COL22A1: variants seen among roughly 807,000 people sequenced by gnomAD.
COL22A1 encodes the protein collagen type XXII alpha 1 chain.
A neutral mutation model predicts 248.9 loss-of-function variants in COL22A1; 221 were observed. The ratio of observed to expected loss-of-function variants is 0.89; its 90% CI spans 0.80 to 0.99. COL22A1 has a LOEUF of 0.99. Among genes scored for constraint, COL22A1 ranks in the 50% least tolerant of loss-of-function variants. COL22A1 has a pLI of 0.00. For synonymous variants in COL22A1, 891 were observed against 793.4 expected, an observed-to-expected ratio of 1.12 and a Z score of -2.07; for missense variants, 2,240 against 2,179.0, an observed-to-expected ratio of 1.03 and a Z score of -0.56.
intron 18 of COL22A1, among the ~76,000 whole-genome samples, chr8:138,756,697 G>C (rs769959316): frequency 6.6e-6 from 1 of 152,086 alleles, no homozygotes; most frequent in Non-Finnish European, 1.5e-5. Flanking sequence ...AGGTCTTAAG[G>C]CTAAGGGGGA....
chr8:138,864,154 A>C (rs1392333922), intron 3 of COL22A1, among the ~76,000 whole-genome samples: 1 of 152,210 alleles, frequency 6.6e-6, no homozygotes, highest in African/African-American at 2.4e-5. Flanking sequence ...ACCGCACTTC[A>C]GGATCTGGAC....
chr8:138,802,836 AG>A, intron 11 of COL22A1, 35 bp downstream of exon 11: 1 of 1,569,270 alleles, frequency 6.4e-7, no homozygotes, highest in South Asian at 1.1e-5. Flanking sequence ...GCCCGCCCTG[AG>A]GTTCAGCCAT....
chr8:138,682,885 G>A (rs1826065366), intron 39 of COL22A1, among the ~76,000 whole-genome samples: 1 of 152,072 alleles, frequency 6.6e-6, no homozygotes, highest in Admixed American at 6.6e-5. Flanking sequence ...ACCTTTAGTA[G>A]AGACAGGGTT....
At chr8:138,607,532 T>C (rs930164712) in intron 57 of COL22A1, among the ~76,000 whole-genome samples, 2 of 150,776 alleles carry the variant, frequency 1.3e-5, no homozygotes, top group African/African-American at 2.4e-5. Flanking sequence ...CCTTTTTGTC[T>C]CCCACCCCCG....
chr8:138,681,110 G>C (rs1475677376), intron 39 of COL22A1, among the ~76,000 whole-genome samples: 1 of 152,110 alleles, frequency 6.6e-6, no homozygotes, highest in Admixed American at 6.5e-5. Flanking sequence ...CCACCCCACA[G>C]AGTGATCTAA....
intron 14 of COL22A1, 66 bp from the exon 15 acceptor site, chr8:138,778,472 G>A: frequency 7.1e-7 from 1 of 1,407,386 alleles, no homozygotes; most frequent in Non-Finnish European, 9.6e-7. Flanking sequence ...CAGCCGTACA[G>A]CTCAGCCAGT....
chr8:138,683,262 A>G (rs1241442961), intron 39 of COL22A1, among the ~76,000 whole-genome samples: 3 of 152,234 alleles, frequency 2.0e-5, no homozygotes, highest in Non-Finnish European at 4.4e-5. Flanking sequence ...GAAACTCAGC[A>G]GACATGCAGT....
chr8:138,711,619 C>CT (rs955579978), intron 30 of COL22A1, among the ~76,000 whole-genome samples: 4 of 152,212 alleles, frequency 2.6e-5, no homozygotes, highest in Non-Finnish European at 5.9e-5. Flanking sequence ...TCTGGGCTCT[C>CT]TATTTATAGA....
At chr8:138,875,818 A>G (rs1586940549) in intron 3 of COL22A1, among the ~76,000 whole-genome samples, 1 of 152,168 alleles carries the variant, frequency 6.6e-6, no homozygotes, top group African/African-American at 2.4e-5. Flanking sequence ...TCCTTATCCT[A>G]TAAGGTTGTG....
chr8:138,597,330 C>T (rs1817626973), intron 61 of COL22A1, among the ~76,000 whole-genome samples: 1 of 152,194 alleles, frequency 6.6e-6, no homozygotes, highest in Admixed American at 6.5e-5. Flanking sequence ...CCCCTAATCT[C>T]TGCTGCCAAA....
At chr8:138,663,115 A>T (rs997185084) in intron 42 of COL22A1, among the ~76,000 whole-genome samples, 5 of 152,168 alleles carry the variant, frequency 3.3e-5, no homozygotes, top group African/African-American at 1.2e-4. Flanking sequence ...AAGATACAAT[A>T]TCATCCCACT....
At chr8:138,751,845 A>G (rs1832633311) in intron 21 of COL22A1, among the ~76,000 whole-genome samples, 1 of 152,226 alleles carries the variant, frequency 6.6e-6, no homozygotes, top group African/African-American at 2.4e-5. Flanking sequence ...TTTGATTCTA[A>G]GCCCAGTGCC....
chr8:138,913,732 C>T lies in COL22A1; in HGVS notation c.-186G>A, dbSNP rs1815621559. ...CCAGGAATCCTCCTCCTGGGGGTCA[C>T]CTGTCAGCCACTCGCCCACTCTCCC... On this transcript the variant is annotated 5_prime_UTR_variant, in exon 1 of 65. It adds an upstream start codon to the 5' untranslated region. Transcript: ENST00000303045. The T allele has an allele frequency of 6.5e-6, 1 of 152,816 alleles. No individual in the cohort carries two copies. The highest frequency in any genetic ancestry group is 6.5e-5 in the Admixed American group (1 of 15,280). The allele number at this position is 152,816 out of a possible 1,614,324, so 9.5% of individuals were successfully genotyped here. A position where few individuals can be genotyped will look rare whatever the true frequency, so the allele number is the denominator to read the frequency against.
chr8:138,656,793 G>A (rs887389687), intron 44 of COL22A1, among the ~76,000 whole-genome samples: 3 of 152,196 alleles, frequency 2.0e-5, no homozygotes, highest in Non-Finnish European at 4.4e-5. Context: ...GGCAGCAGAG[G>A]CAAGGTGGTA....
intron 30 of COL22A1, among the ~76,000 whole-genome samples, chr8:138,712,301 A>C (rs1287999504): frequency 6.6e-6 from 1 of 152,142 alleles, no homozygotes; most frequent in Non-Finnish European, 1.5e-5. Context: ...AGCACAAATA[A>C]ACTCCTATGA....
chr8:138,841,366 T>A (rs561286724), intron 4 of COL22A1, among the ~76,000 whole-genome samples: 1 of 152,260 alleles, frequency 6.6e-6, no homozygotes, highest in South Asian at 2.1e-4. Context: ...AGATTGGAGT[T>A]CTCAGAATAG....
At chr8:138,765,198 G>A (rs1177020435) in intron 16 of COL22A1, among the ~76,000 whole-genome samples, 2 of 152,140 alleles carry the variant, frequency 1.3e-5, no homozygotes, top group African/African-American at 4.8e-5. Context: ...CGCCAGAACC[G>A]GCCCTCCTGT....
chr8:138,892,983 C>T (rs1013719461), intron 1 of COL22A1, among the ~76,000 whole-genome samples: 3 of 152,174 alleles, frequency 2.0e-5, no homozygotes, highest in Non-Finnish European at 2.9e-5. Context: ...CACTGAACTG[C>T]GTCCTTCTAT....
At chr8:138,755,547 C>T in intron 19 of COL22A1, 36 bp from the exon 20 acceptor site, 1 of 1,612,656 alleles carries the variant, frequency 6.2e-7, no homozygotes, top group South Asian at 1.1e-5. Flanking sequence ...AAGGTGCTGG[C>T]ATTTCCGCAA....
Sources: allele counts gnomAD v4.1 joint callset (sites outside exome capture counted in the v4.1 genomes callset), GRCh38; gene constraint gnomAD v4.1.1; transcripts MANE v1.5; gene names NCBI Gene and HGNC (gene_info 2026-07-23, HGNC 2026-07-21).